The following PRR5L variants were observed in gnomAD, a reference collection of about 807,000 sequenced individuals.
PRR5L encodes proline-rich protein 5-like.
In PRR5L, 21 loss-of-function variants were observed where a neutral mutation model predicts 36.4. That is an observed-to-expected ratio of 0.58 (90% CI 0.41 to 0.83). The LOEUF (loss-of-function observed/expected upper bound fraction) is 0.83. Ranked by LOEUF, PRR5L falls within the 40% of genes least tolerant of loss-of-function variation. The probability of loss-of-function intolerance (pLI) is 0.00; values close to 1 mark genes in which losing one functional copy is unlikely to be tolerated. For synonymous variants in PRR5L, 188 were observed against 197.0 expected (o/e 0.95, Z 0.38); for missense variants, 381 against 473.3 (o/e 0.80, Z 1.81).
intron 1 of PRR5L, among the ~76,000 whole-genome samples, chr11:36,386,121 C>G (rs1857452382): frequency 6.6e-6 from 1 of 152,006 alleles, no homozygotes; most frequent in Non-Finnish European, 1.5e-5. Flanking sequence ...CACAGCAAGA[C>G]CTGTCTCTAC....
At position 36,344,038 on chromosome 11, in the gene PRR5L, G is replaced by A. The variant is rs1856842653; in HGVS notation, c.-126+47600G>A. Among the ~76,000 whole-genome samples the A allele has an allele frequency of 6.6e-6, 1 of 152,028 alleles. No individual in the cohort carries two copies. The highest frequency in any genetic ancestry group is 2.4e-5 in the African/African-American group (1 of 41,400). On this transcript the variant is annotated intron_variant, in intron 1 of 8. Coordinates refer to ENST00000530639, the MANE Select transcript of PRR5L (RefSeq NM_001160167.2). This position sits in a 1 kb window ranked among gnomAD's most constrained non-coding sequence, Gnocchi z 4.1. Reference sequence around the variant, plus strand: ...TCGGGACCAGCCTGGCCAACATGGAGAAATCCCGTCTCTACTAAAAATACA... The same window carrying A: ...TCGGGACCAGCCTGGCCAACATGGAAAAATCCCGTCTCTACTAAAAATACA...
At chr11:36,365,448 C>CTGAATATT (rs1857135107) in intron 1 of PRR5L, among the ~76,000 whole-genome samples, 1 of 152,140 alleles carries the variant, frequency 6.6e-6, no homozygotes, top group Non-Finnish European at 1.5e-5. Flanking sequence ...TTATATCCTG[C>CTGAATATT]TGAATATTAT....
chr11:36,440,356 G>A (rs1033616652), intron 6 of PRR5L, among the ~76,000 whole-genome samples: 1 of 152,164 alleles, frequency 6.6e-6, no homozygotes, highest in Non-Finnish European at 1.5e-5. Flanking sequence ...AAACACAGGA[G>A]GTACTAGGTA....
At chr11:36,327,096 C>T (rs1856672257) in intron 1 of PRR5L, among the ~76,000 whole-genome samples, 1 of 152,224 alleles carries the variant, frequency 6.6e-6, no homozygotes, top group Admixed American at 6.5e-5. Flanking sequence ...TGGAAGCAGT[C>T]TCTGTTTCAT....
intron 1 of PRR5L, among the ~76,000 whole-genome samples, chr11:36,326,429 A>G (rs1340372138): frequency 6.6e-6 from 1 of 150,422 alleles, no homozygotes. Context: ...TACACATTCA[A>G]TTTTCCCAGT....
At chr11:36,308,402 A>G (rs888246456) in intron 1 of PRR5L, among the ~76,000 whole-genome samples, 8 of 152,176 alleles carry the variant, frequency 5.3e-5, no homozygotes, top group Non-Finnish European at 5.9e-5. Flanking sequence ...TTAGAAGTGA[A>G]GTAGTTGATT....
At chr11:36,321,458 A>C (rs1205641385) in intron 1 of PRR5L, 1 of 152,232 alleles carries the variant, frequency 6.6e-6, no homozygotes, top group Non-Finnish European at 1.5e-5. Flanking sequence ...TCATTTGCCC[A>C]GGTTAGGTCA....
chr11:36,419,551 C>T (rs1365971680), intron 4 of PRR5L, among the ~76,000 whole-genome samples: 2 of 152,112 alleles, frequency 1.3e-5, no homozygotes, highest in Admixed American at 6.5e-5. Context: ...ACTCGTAAAA[C>T]GTATTGCTTA....
chr11:36,434,950 G>C (rs111851388), intron 5 of PRR5L, among the ~76,000 whole-genome samples: 4,281 of 152,206 alleles, frequency 0.028, 167 homozygotes, highest in African/African-American at 0.093. Flanking sequence ...TGAGCATCCT[G>C]TCTTGGCATT....
rs1857412623 is a variant in PRR5L at position 36,383,863 on chromosome 11, T to G, written c.-125-17134T>G. Among the ~76,000 whole-genome samples the G allele has an allele frequency of 2.0e-5, 3 of 151,470 alleles. No individual in the cohort carries two copies. The South Asian group carries it at 6.2e-4, about 31-fold the overall frequency. On this transcript the variant is annotated intron_variant, in intron 1 of 8. Transcript: ENST00000530639. ...GGCGCCTGCCACCACGCCCAGCTAA[T>G]TTTTGTATCTTTAGTAGAGATGAGG...
rs1857963181 is a variant in PRR5L, at chr11:36,408,755, C to CA, written c.245+5378dup. Among the ~76,000 whole-genome samples the CA allele has an allele frequency of 4.6e-5, 7 of 152,260 alleles. No homozygotes were observed. The South Asian group carries it at 1.5e-3, about 32-fold the overall frequency. ...ACTCTCCCTAAACAGTCTTTTCTGC[C>CA]ACCTCTCCCACTGATTTTATGTAAC... On this transcript the variant is annotated intron_variant, in intron 3 of 8. Coordinates refer to ENST00000530639, the MANE Select transcript of PRR5L (RefSeq NM_001160167.2).
chr11:36,437,170 A>G (rs559721117), intron 5 of PRR5L, among the ~76,000 whole-genome samples: 3 of 152,276 alleles, frequency 2.0e-5, no homozygotes, highest in South Asian at 2.1e-4. Context: ...GAGATGGAAT[A>G]TATTTCTGCC....
Position 36,351,440 on chromosome 11 carries a change from C to T in PRR5L, c.-125-49557C>T, listed in dbSNP as rs575362846. 2.2e-3 allele frequency among the ~76,000 whole-genome samples: 82 copies of T among 36,688 alleles called. 4 individuals are homozygous for T. Among genetic ancestry groups the T allele is most frequent in the African/African-American group, 7.9e-3 (64 of 8,064 alleles). The allele number at this position is 36,688 out of a possible 152,430, so 24.1% of individuals were successfully genotyped here. On this transcript the variant is annotated intron_variant, in intron 1 of 8. Coordinates refer to ENST00000530639, the MANE Select transcript of PRR5L (RefSeq NM_001160167.2). ...ATATATATTTATATATTTATATATA[C>T]ATATATATTTATATATTTATATATT...
intron 1 of PRR5L, among the ~76,000 whole-genome samples, chr11:36,368,994 A>G (rs1051762595): frequency 1.3e-5 from 2 of 152,246 alleles, no homozygotes; most frequent in African/African-American, 4.8e-5. Flanking sequence ...GGCAAAGGAA[A>G]TGCTCAGGAA....
chr11:36,457,975 T>C (rs1212663502), intron 8 of PRR5L, among the ~76,000 whole-genome samples: 1 of 152,258 alleles, frequency 6.6e-6, no homozygotes, highest in African/African-American at 2.4e-5. Context: ...TTCTGTTTTA[T>C]AGTTATTGAT....
At chr11:36,355,239 C>A (rs950092394) in intron 1 of PRR5L, among the ~76,000 whole-genome samples, 3 of 152,146 alleles carry the variant, frequency 2.0e-5, no homozygotes, top group Non-Finnish European at 4.4e-5. Flanking sequence ...AACTTCAGAG[C>A]CTAAACTAAC....
chr11:36,383,695 CTTTT>C (rs34900545), intron 1 of PRR5L, among the ~76,000 whole-genome samples: 5 of 109,258 alleles, frequency 4.6e-5, no homozygotes, highest in Admixed American at 1.0e-4. Flanking sequence ...CTTTCTTTTC[CTTTT>C]TTTTTTTTTT....
chr11:36,384,465 C>T (rs1857423029), intron 1 of PRR5L, among the ~76,000 whole-genome samples: 1 of 152,154 alleles, frequency 6.6e-6, no homozygotes. Context: ...CAGATCCTGG[C>T]ATCCAGTGGA....
intron 6 of PRR5L, among the ~76,000 whole-genome samples, chr11:36,444,195 C>T (rs1197827463): frequency 6.6e-6 from 1 of 152,122 alleles, no homozygotes; most frequent in Non-Finnish European, 1.5e-5. Flanking sequence ...CGCAGCCTTA[C>T]AAGTGAGGGA....
Sources: allele counts gnomAD v4.1 joint callset (sites outside exome capture counted in the v4.1 genomes callset), GRCh38; gene constraint gnomAD v4.1.1; non-coding constraint Gnocchi (gnomAD v3.1); transcripts MANE v1.5; gene names NCBI Gene and HGNC (gene_info 2026-07-23, HGNC 2026-07-21).